MAJIN: variants seen among roughly 807,000 people sequenced by gnomAD.
MAJIN encodes the protein membrane-anchored junction protein.
MAJIN carries 27 observed loss-of-function variants against 30.2 expected under a neutral mutation model. The ratio of observed to expected loss-of-function variants is 0.89; its 90% CI spans 0.66 to 1.23. MAJIN has a LOEUF of 1.23. Ranked by LOEUF, MAJIN falls within the 50% of genes most tolerant of loss-of-function variation. The pLI, the probability that MAJIN is intolerant of heterozygous loss-of-function variation, is 0.00. For missense variants in MAJIN, 253 were observed against 260.3 expected (o/e 0.97, Z 0.19); for synonymous variants, 78 against 91.6 (o/e 0.85, Z 0.85).
At chr11:64,962,233 T>A (rs1256813732) in intron 1 of MAJIN, among the ~76,000 whole-genome samples, 1 of 152,214 alleles carries the variant, frequency 6.6e-6, no homozygotes, top group East Asian at 1.9e-4. Context: ...GCTGGCTGTC[T>A]GAAAGAAGAA....
At chr11:64,953,776 C>T (rs758745083) in intron 4 of MAJIN, among the ~76,000 whole-genome samples, 6 of 151,870 alleles carry the variant, frequency 4.0e-5, no homozygotes, top group Admixed American at 1.3e-4. Flanking sequence ...GGTGACAGAG[C>T]GAAACTCCAT....
chr11:64,959,333 A>G lies in MAJIN; in HGVS notation c.73T>C (p.Phe25Leu), dbSNP rs775822980. ...ATACTCTTCCCATATCTGATTTTGAATTTATACACATTGGGTCCTGCATGA... is the reference window on the plus strand; with the variant it reads ...ATACTCTTCCCATATCTGATTTTGAGTTTATACACATTGGGTCCTGCATGA... ...FLHAGPNVYK[F>L]KIRYGKSIRG... The change falls in exon 3 of 11, where the codon TTC (phenylalanine) becomes CTC (leucine). Residue 25 changes from phenylalanine to leucine, a missense_variant. Phe to Leu is a conservative substitution (Grantham distance 22). Coordinates refer to ENST00000301896, the MANE Select transcript of MAJIN (RefSeq NM_001037225.3). 3 of 1,613,920 alleles carry G rather than the reference A, an allele frequency of 1.9e-6. No homozygotes were observed. In the South Asian group the frequency reaches 3.3e-5, roughly 18 times the overall value.
intron 1 of MAJIN, among the ~76,000 whole-genome samples, chr11:64,966,943 A>G (rs1037306169): frequency 6.6e-6 from 1 of 151,764 alleles, no homozygotes; most frequent in African/African-American, 2.4e-5. Flanking sequence ...AAAAAAAAAA[A>G]AAAAGAAAGA....
chr11:64,940,833 TTC>T (rs1419486334), intron 8 of MAJIN, among the ~76,000 whole-genome samples, 187 bp from the exon 9 acceptor site: 2 of 116,608 alleles, frequency 1.7e-5, no homozygotes, highest in Admixed American at 2.0e-4. Context: ...CTTTTTTTCT[TTC>T]TTTTTTTTTT....
chr11:64,965,745 A>C (rs557617594), intron 1 of MAJIN, among the ~76,000 whole-genome samples: 1 of 152,204 alleles, frequency 6.6e-6, no homozygotes, highest in South Asian at 2.1e-4. Flanking sequence ...TCACGAGGTC[A>C]GGAGATCGAT....
chr11:64,970,440 C>G (rs1387541483), intron 1 of MAJIN, among the ~76,000 whole-genome samples: 1 of 131,836 alleles, frequency 7.6e-6, no homozygotes, highest in Non-Finnish European at 1.6e-5. Context: ...GATCTTGGCT[C>G]ACTGCAACCT....
At chr11:64,955,214 A>AAAC (rs557786352) in intron 3 of MAJIN, among the ~76,000 whole-genome samples, 212 of 152,348 alleles carry the variant, frequency 1.4e-3, no homozygotes, top group East Asian at 0.013. Context: ...CAATGCCTTA[A>AAAC]AACAAATCTA....
rs1286766500 is a variant in MAJIN, at chr11:64,948,604, TATATATATATATATATA to T, written c.350-802_350-786del. 5.4e-3 allele frequency among the ~76,000 whole-genome samples: 116 copies of T among 21,484 alleles called. 7 individuals carry two copies. Among genetic ancestry groups the T allele is most frequent in the South Asian group, 0.018 (5 of 284 alleles). The allele number at this position is 21,484 out of a possible 152,430, so 14.1% of individuals were successfully genotyped here. ...ACCACCACCATGTCGGGCTACATCATATATATATATATATATATATATATATATATATATATTTTTTT... is the reference window on the plus strand; with the variant it reads ...ACCACCACCATGTCGGGCTACATCATTATATATATATATATATATTTTTTT... On this transcript the variant is annotated intron_variant, in intron 6 of 10. Coordinates refer to ENST00000301896, the MANE Select transcript of MAJIN (RefSeq NM_001037225.3).
chr11:64,940,514 G>T, intron 9 of MAJIN, 60 bp downstream of exon 9: 1 of 1,534,918 alleles, frequency 6.5e-7, no homozygotes, highest in Non-Finnish European at 9.0e-7. Context: ...ACATATCAGA[G>T]AACTACAAGG....
intron 3 of MAJIN, among the ~76,000 whole-genome samples, chr11:64,956,965 C>T (rs549168080): frequency 2.6e-5 from 4 of 152,046 alleles, no homozygotes; most frequent in Non-Finnish European, 5.9e-5. Context: ...TGGGGTTTCA[C>T]CATGTTGGCC....
chr11:64,950,378 G>A lies in MAJIN; in HGVS notation c.200C>T (p.Thr67Ile). The A allele has an allele frequency of 6.4e-7, 1 of 1,558,300 alleles. No homozygotes were observed. The highest frequency in any genetic ancestry group is 8.8e-7 in the Non-Finnish European group (1 of 1,133,218). The change falls in exon 5 of 11, where the codon ACA (threonine) becomes ATA (isoleucine). Residue 67 changes from threonine (T) to isoleucine (I), a missense_variant. Transcript: ENST00000301896. ...GNLDNLQPFATEHFIVFPYKS... is the reference protein window; with the variant it reads ...GNLDNLQPFAIEHFIVFPYKS... ...ACAGGGAAATACAATGAAGTGTTCT[G>A]TAGCAAAGGGCTGAAGATTGTCCAA...
At chr11:64,965,900 G>C (rs898839653) in intron 1 of MAJIN, among the ~76,000 whole-genome samples, 1 of 150,468 alleles carries the variant, frequency 6.6e-6, no homozygotes, top group Non-Finnish European at 1.5e-5. Context: ...AGCTTGCAGT[G>C]AGCCGAGACT....
intron 4 of MAJIN, among the ~76,000 whole-genome samples, chr11:64,953,401 A>C (rs1945584597): frequency 6.6e-6 from 1 of 152,316 alleles, no homozygotes; most frequent in East Asian, 1.9e-4. Flanking sequence ...CTGGCTCTAA[A>C]GTCTGTGTTC....
intron 8 of MAJIN, among the ~76,000 whole-genome samples, chr11:64,942,409 T>C (rs1014176789): frequency 6.6e-6 from 1 of 152,096 alleles, no homozygotes; most frequent in Admixed American, 6.6e-5. Flanking sequence ...ACCCAATGTA[T>C]AGTCTTTTAT....
intron 8 of MAJIN, among the ~76,000 whole-genome samples, chr11:64,946,857 C>T (rs1364793269): frequency 6.6e-6 from 1 of 152,148 alleles, no homozygotes; most frequent in African/African-American, 2.4e-5. Context: ...TAGGGATGTA[C>T]TCAACATTCC....
intron 1 of MAJIN, among the ~76,000 whole-genome samples, chr11:64,969,725 C>G (rs1945868338): frequency 6.6e-6 from 1 of 151,590 alleles, no homozygotes; most frequent in Non-Finnish European, 1.5e-5. Context: ...GAGTCTTACT[C>G]TGTTGCCCAG....
At chr11:64,940,734 A>G (rs1163796452) in intron 8 of MAJIN, 88 bp from the exon 9 acceptor site, 3 of 1,204,488 alleles carry the variant, frequency 2.5e-6, no homozygotes, top group Admixed American at 1.7e-5. Context: ...AACTGATTTC[A>G]TATCAGCACT....
chr11:64,959,899 TTTTAGA>T (rs2136795883), intron 2 of MAJIN, among the ~76,000 whole-genome samples, 184 bp downstream of exon 2: 1 of 152,316 alleles, frequency 6.6e-6, no homozygotes, highest in South Asian at 2.1e-4. Context: ...TTGCTATCAA[TTTTAGA>T]TGAAATTAAG....
rs749874119 is a variant in MAJIN, at chr11:64,947,422, C to T, written c.425G>A (p.Arg142Gln). Reference sequence around the variant, plus strand: ...GGAGCTGGGCTCGTCCATGTGTTTTCGTTTCCTCATCACAGCTCCTACTGC... The same window carrying T: ...GGAGCTGGGCTCGTCCATGTGTTTTTGTTTCCTCATCACAGCTCCTACTGC... ...KKAVGAVMRK[R>Q]KHMDEPSSPS... The change falls in exon 8 of 11, where the codon CGA (arginine) becomes CAA (glutamine). Residue 142 changes from arginine (R) to glutamine (Q), a missense_variant. Transcript: ENST00000301896. 2.0e-5 allele frequency: 33 copies of T among 1,613,746 alleles called. No individual in the cohort carries two copies. The highest frequency in any genetic ancestry group is 6.7e-5 in the East Asian group (3 of 44,902).
Sources: allele counts gnomAD v4.1 joint callset (sites outside exome capture counted in the v4.1 genomes callset), GRCh38; gene constraint gnomAD v4.1.1; transcripts MANE v1.5; gene names NCBI Gene and HGNC (gene_info 2026-07-23, HGNC 2026-07-21).